CYB5R4: variants seen among roughly 807,000 people sequenced by gnomAD.
The protein encoded by CYB5R4 is N-terminal cytochrome b5 and cytochrome b5 oxidoreductase domain-containing protein.
In CYB5R4, 55 loss-of-function variants were observed where a neutral mutation model predicts 70.2. The ratio of observed to expected loss-of-function variants is 0.78; its 90% CI spans 0.63 to 0.98. The LOEUF (loss-of-function observed/expected upper bound fraction) is 0.98. CYB5R4 is among the 50% of genes least tolerant of loss of function. The pLI is 0.00. For missense variants in CYB5R4, 562 were observed against 612.6 expected, an observed-to-expected ratio of 0.92 and a Z score of 0.87; for synonymous variants, 197 against 199.5, an observed-to-expected ratio of 0.99 and a Z score of 0.11.
intron 14 of CYB5R4, among the ~76,000 whole-genome samples, chr6:83,943,381 A>G (rs1001734140): frequency 6.6e-6 from 1 of 152,188 alleles, no homozygotes; most frequent in Non-Finnish European, 1.5e-5. Context: ...CCTGACTGTT[A>G]TAAGGTAAAC....
chr6:83,872,996 GC>G (rs2099457887), intron 2 of CYB5R4, among the ~76,000 whole-genome samples: 1 of 152,092 alleles, frequency 6.6e-6, no homozygotes, highest in African/African-American at 2.4e-5. Flanking sequence ...TGAGAATGGA[GC>G]CACTGTTTCA....
intron 10 of CYB5R4, among the ~76,000 whole-genome samples, chr6:83,932,012 C>T (rs2129141768): frequency 6.8e-6 from 1 of 147,180 alleles, no homozygotes; most frequent in South Asian, 2.2e-4. Context: ...CAAGTGTTCT[C>T]ATTGTTCAGT....
chr6:83,881,514 C>T (rs1490079974), intron 2 of CYB5R4, among the ~76,000 whole-genome samples: 1 of 152,228 alleles, frequency 6.6e-6, no homozygotes, highest in Non-Finnish European at 1.5e-5. Context: ...TAACTTCTTA[C>T]ACTATGACTT....
intron 1 of CYB5R4, among the ~76,000 whole-genome samples, chr6:83,863,242 T>G (rs921200169): frequency 2.0e-5 from 3 of 152,196 alleles, no homozygotes; most frequent in Admixed American, 6.5e-5. Context: ...CCAGGTGGTG[T>G]TTTCGGCTTT....
chr6:83,914,316 A>G lies in CYB5R4; in HGVS notation c.413-100A>G, dbSNP rs531524138. On this transcript the variant is annotated intron_variant, in intron 4 of 15. Coordinates refer to ENST00000369681, the MANE Select transcript of CYB5R4 (RefSeq NM_016230.4). ...TCAGGCCTTAGAAGAAAGCCCTTCA[A>G]AAAAGAAGGGATGTTATCTTGAAAT... The G allele has an allele frequency of 1.5e-4, 202 of 1,309,348 alleles. 2 individuals are homozygous for G. Among genetic ancestry groups the G allele is most frequent in the Admixed American group, 2.9e-4 (9 of 31,578 alleles). The allele number at this position is 1,309,348 out of a possible 1,614,324, so 81.1% of individuals were successfully genotyped here.
chr6:83,884,010 T>C (rs906672604), intron 2 of CYB5R4, among the ~76,000 whole-genome samples: 2 of 151,924 alleles, frequency 1.3e-5, no homozygotes, highest in Non-Finnish European at 2.9e-5. Flanking sequence ...AAAAGTTTGG[T>C]TAACCCAAAA....
At chr6:83,877,356 G>A (rs546403480) in intron 2 of CYB5R4, among the ~76,000 whole-genome samples, 1 of 152,048 alleles carries the variant, frequency 6.6e-6, no homozygotes, top group Non-Finnish European at 1.5e-5. Context: ...ATGTGTCTTA[G>A]TTCATTTTAT....
chr6:83,954,856 G>C (rs1260486509), intron 14 of CYB5R4, among the ~76,000 whole-genome samples: 2 of 151,628 alleles, frequency 1.3e-5, no homozygotes, highest in Non-Finnish European at 2.9e-5. Flanking sequence ...AGGACCACAG[G>C]CACATGCCAC....
At chr6:83,860,025 A>G (rs1257611730) in intron 1 of CYB5R4, among the ~76,000 whole-genome samples, 168 bp downstream of exon 1, 1 of 151,648 alleles carries the variant, frequency 6.6e-6, no homozygotes, top group Admixed American at 6.6e-5. Flanking sequence ...ACAGTCCCTA[A>G]ACTCTCCTTA....
At chr6:83,898,463 A>C (rs1439350861) in intron 3 of CYB5R4, among the ~76,000 whole-genome samples, 1 of 152,166 alleles carries the variant, frequency 6.6e-6, no homozygotes, top group Non-Finnish European at 1.5e-5. Flanking sequence ...TTTTGGTTCC[A>C]TGTGAACTTT....
intron 9 of CYB5R4, among the ~76,000 whole-genome samples, chr6:83,924,092 A>T (rs2099466886): frequency 6.9e-6 from 1 of 144,552 alleles, no homozygotes; most frequent in African/African-American, 2.6e-5. Context: ...AAAAAAAAGA[A>T]TTAAATTTGC....
At chr6:83,952,772 A>G (rs1459975440) in intron 14 of CYB5R4, among the ~76,000 whole-genome samples, 10 of 152,072 alleles carry the variant, frequency 6.6e-5, no homozygotes, top group African/African-American at 1.9e-4. Context: ...AGTAAATATT[A>G]TATATCAGAT....
intron 2 of CYB5R4, among the ~76,000 whole-genome samples, chr6:83,891,543 T>G (rs61762804): frequency 6.6e-6 from 1 of 152,314 alleles, no homozygotes; most frequent in African/African-American, 2.4e-5. Context: ...TGTTCTGTTT[T>G]GGGGCTAGGT....
rs1293036043 is a variant in CYB5R4, at chr6:83,881,777, A to C, written c.230-11745A>C. ...ACAGCCATTTTAGAAAGTTTTCAGC[A>C]TGTGGGAGACAAATGAATGCTTTTA... On this transcript the variant is annotated intron_variant, in intron 2 of 15. Coordinates refer to ENST00000369681, the MANE Select transcript of CYB5R4 (RefSeq NM_016230.4). Among the ~76,000 whole-genome samples the C allele has an allele frequency of 5.3e-5, 8 of 152,198 alleles. 1 individual carries two copies. The highest frequency in any genetic ancestry group is 1.9e-4 in the African/African-American group (8 of 41,458).
chr6:83,870,263 G>A (rs1245730493), intron 2 of CYB5R4, among the ~76,000 whole-genome samples: 1 of 152,110 alleles, frequency 6.6e-6, no homozygotes, highest in East Asian at 1.9e-4. Flanking sequence ...AGGAGCAATG[G>A]GTCAGTATTT....
intron 3 of CYB5R4, among the ~76,000 whole-genome samples, chr6:83,896,933 A>T (rs2099461999): frequency 6.6e-6 from 1 of 151,604 alleles, no homozygotes; most frequent in Non-Finnish European, 1.5e-5. Flanking sequence ...ATTATACTTT[A>T]AGTTTTAGGG....
chr6:83,950,658 G>T (rs1003329469), intron 14 of CYB5R4, among the ~76,000 whole-genome samples: 1 of 151,982 alleles, frequency 6.6e-6, no homozygotes. Context: ...TTTAGTAAAG[G>T]TAGTGGTACA....
intron 2 of CYB5R4, among the ~76,000 whole-genome samples, chr6:83,884,932 C>T (rs946030202): frequency 2.0e-5 from 3 of 152,030 alleles, no homozygotes; most frequent in Non-Finnish European, 2.9e-5. Flanking sequence ...AATCTTATCA[C>T]GGAAATAACG....
At chr6:83,904,201 C>G (rs1485294937) in intron 3 of CYB5R4, among the ~76,000 whole-genome samples, 1 of 152,068 alleles carries the variant, frequency 6.6e-6, no homozygotes, top group Admixed American at 6.6e-5. Context: ...CCCTTAGATA[C>G]TGCTTTTGCT....
Sources: allele counts gnomAD v4.1 joint callset (sites outside exome capture counted in the v4.1 genomes callset), GRCh38; gene constraint gnomAD v4.1.1; transcripts MANE v1.5; gene names NCBI Gene and HGNC (gene_info 2026-07-23, HGNC 2026-07-21).